The following CSMD3 variants were observed in gnomAD, a reference collection of about 807,000 sequenced individuals.
CSMD3 encodes CUB and sushi domain-containing protein 3.
CSMD3 carries 177 observed loss-of-function variants against 435.2 expected under a neutral mutation model. The ratio of observed to expected loss-of-function variants is 0.41; its 90% CI spans 0.36 to 0.46. The LOEUF (loss-of-function observed/expected upper bound fraction) is 0.46, where lower values mean the gene tolerates loss of function less well. CSMD3 is among the 20% of genes least tolerant of loss of function. The pLI is 0.34. For synonymous variants in CSMD3, 1,656 were observed against 1,520.5 expected (o/e 1.09, Z -2.07); for missense variants, 4,265 against 4,504.6 (o/e 0.95, Z 1.52).
intron 3 of CSMD3, among the ~76,000 whole-genome samples, chr8:113,269,075 A>C (rs1298209635): frequency 2.6e-5 from 4 of 152,160 alleles, no homozygotes; most frequent in Non-Finnish European, 5.9e-5. Context: ...AATGTGTTTA[A>C]TACATATATC....
chr8:113,191,377 G>A (rs181854215), intron 3 of CSMD3, among the ~76,000 whole-genome samples: 2 of 151,578 alleles, frequency 1.3e-5, no homozygotes, highest in African/African-American at 4.8e-5. Context: ...CAGTTTTTCG[G>A]CCCACATCTT....
Position 112,894,859 on chromosome 8 carries a change from A to C in CSMD3, c.1633+26768T>G, listed in dbSNP as rs908368032. Among the ~76,000 whole-genome samples, 3 of 151,300 alleles carry C rather than the reference A, an allele frequency of 2.0e-5. No homozygotes were observed. The East Asian group carries it at 5.9e-4, about 30-fold the overall frequency. On this transcript the variant is annotated intron_variant, in intron 10 of 70. Coordinates refer to ENST00000297405, the MANE Select transcript of CSMD3 (RefSeq NM_198123.2). ...AGACATAAAGAGAATTGAAAAAAAA[A>C]CACACACACAAGATATCACATTGAT...
At chr8:112,694,948 C>A (rs2076220255) in intron 13 of CSMD3, among the ~76,000 whole-genome samples, 1 of 152,004 alleles carries the variant, frequency 6.6e-6, no homozygotes, top group South Asian at 2.1e-4. Context: ...TGAGGCTTGT[C>A]GGACAGTGTG....
At position 112,459,369 on chromosome 8, in the gene CSMD3, GGT is replaced by G. The variant is rs1314663014; in HGVS notation, c.5395+13220_5395+13221del. On this transcript the variant is annotated intron_variant, in intron 32 of 70. Coordinates refer to ENST00000297405, the MANE Select transcript of CSMD3 (RefSeq NM_198123.2). ...GTTGTGTGTGTGTGTGGGGGGGGGG[GGT>G]TTATTCAATTATGTTTACAAGGTAA... Among the ~76,000 whole-genome samples, 182 of 121,926 alleles carry G rather than the reference GGT, an allele frequency of 1.5e-3. 1 individual carries two copies. Among genetic ancestry groups the G allele is most frequent in the Admixed American group, 4.9e-3 (61 of 12,486 alleles). The allele number at this position is 121,926 out of a possible 152,430, so 80.0% of individuals were successfully genotyped here.
Position 112,920,234 on chromosome 8 carries a change from A to T in CSMD3, c.1633+1393T>A, listed in dbSNP as rs529697313. Among the ~76,000 whole-genome samples the T allele has an allele frequency of 8.2e-4, 125 of 152,050 alleles. 1 individual carries two copies. Among genetic ancestry groups the T allele is most frequent in the Non-Finnish European group, 9.4e-4 (64 of 67,916 alleles). On this transcript the variant is annotated intron_variant, in intron 10 of 70. Transcript: ENST00000297405. ...TAGGATAAAGGAGGGGGGAAAGATT[A>T]GTTTTCATGATTAACAGTTAAATTG... is the stretch of plus-strand genomic sequence containing the variant.
chr8:113,166,546 T>C (rs2092153100), intron 4 of CSMD3, among the ~76,000 whole-genome samples: 1 of 152,132 alleles, frequency 6.6e-6, no homozygotes, highest in Non-Finnish European at 1.5e-5. Context: ...GTAAAATATG[T>C]ATGTGTTTAA....
At chr8:112,355,247 C>A (rs995813230) in intron 38 of CSMD3, among the ~76,000 whole-genome samples, 3 of 152,100 alleles carry the variant, frequency 2.0e-5, no homozygotes, top group Non-Finnish European at 4.4e-5. Flanking sequence ...TTCAGGAATT[C>A]TAGAAGAATA....
intron 11 of CSMD3, among the ~76,000 whole-genome samples, chr8:112,854,919 G>C (rs1221141139): frequency 3.3e-5 from 5 of 152,108 alleles, no homozygotes; most frequent in Non-Finnish European, 4.4e-5. Flanking sequence ...TCTCAGTGGT[G>C]ATGGAAATGG....
intron 1 of CSMD3, among the ~76,000 whole-genome samples, chr8:113,326,098 G>C (rs1365663864): frequency 2.0e-5 from 3 of 152,088 alleles, no homozygotes; most frequent in African/African-American, 4.8e-5. Flanking sequence ...ATCTAACTTA[G>C]CTAGTTTTTC....
chr8:113,016,378 G>A (rs1268368659), intron 6 of CSMD3, among the ~76,000 whole-genome samples: 1 of 151,688 alleles, frequency 6.6e-6, no homozygotes, highest in Non-Finnish European at 1.5e-5. Flanking sequence ...TAACTTAAAG[G>A]TGGTTATATT....
chr8:113,300,728 T>TTGGTG (rs1361768984), intron 2 of CSMD3, among the ~76,000 whole-genome samples: 1 of 152,066 alleles, frequency 6.6e-6, no homozygotes, highest in Non-Finnish European at 1.5e-5. Context: ...AAAAACTACC[T>TTGGTG]ATAAGTACTA....
chr8:112,621,888 C>T lies in CSMD3; in HGVS notation c.3715+14929G>A, dbSNP rs969928223. On this transcript the variant is annotated intron_variant, in intron 22 of 70. Coordinates refer to ENST00000297405, the MANE Select transcript of CSMD3 (RefSeq NM_198123.2). ...TCAAATATGGACTCTCTTATGATCT[C>T]CAGACTGTGTATTCAACTGGAATAT... 2.6e-5 allele frequency among the ~76,000 whole-genome samples: 4 copies of T among 152,078 alleles called. No individual in the cohort carries two copies. The East Asian group carries it at 5.8e-4, about 22-fold the overall frequency.
At chr8:112,354,000 T>C (rs528347149) in intron 38 of CSMD3, among the ~76,000 whole-genome samples, 4 of 152,322 alleles carry the variant, frequency 2.6e-5, no homozygotes, top group African/African-American at 9.6e-5. Context: ...TAATTCACCA[T>C]GATCAAACAG....
intron 5 of CSMD3, among the ~76,000 whole-genome samples, chr8:113,088,357 T>C (rs1242181352): frequency 2.0e-5 from 3 of 150,662 alleles, no homozygotes; most frequent in Non-Finnish European, 4.4e-5. Context: ...ATCCCATTAC[T>C]GGGTATATAC....
intron 61 of CSMD3, among the ~76,000 whole-genome samples, chr8:112,259,924 T>G (rs1281407840): frequency 6.6e-6 from 1 of 152,170 alleles, no homozygotes; most frequent in East Asian, 1.9e-4. Context: ...GTTCCTCTTA[T>G]GCATATTCAA....
chr8:113,321,202 C>A (rs1394351472), intron 1 of CSMD3, among the ~76,000 whole-genome samples: 1 of 152,124 alleles, frequency 6.6e-6, no homozygotes, highest in Non-Finnish European at 1.5e-5. Context: ...CTTCCTTATT[C>A]AATAGTATTA....
chr8:112,640,704 T>C (rs1027435071), intron 20 of CSMD3, among the ~76,000 whole-genome samples: 1 of 151,882 alleles, frequency 6.6e-6, no homozygotes, highest in Non-Finnish European at 1.5e-5. Flanking sequence ...TCAGTATTGA[T>C]ACTAGACAGA....
At chr8:113,057,954 C>T (rs1422797624) in intron 5 of CSMD3, among the ~76,000 whole-genome samples, 1 of 151,630 alleles carries the variant, frequency 6.6e-6, no homozygotes, top group African/African-American at 2.4e-5. Context: ...AGAAATTATG[C>T]AAACATTTTG....
chr8:112,282,777 C>T (rs765962982), intron 58 of CSMD3, among the ~76,000 whole-genome samples: 72 of 152,006 alleles, frequency 4.7e-4, no homozygotes, highest in Non-Finnish European at 3.4e-4. Context: ...AGGCTTAAAG[C>T]TTGCTGGATA....
Sources: gnomAD v4.1 joint callset for allele counts (sites outside exome capture counted in the v4.1 genomes callset) on GRCh38, gnomAD v4.1.1 for gene constraint, MANE v1.5 for transcripts, NCBI Gene and HGNC (gene_info 2026-07-23, HGNC 2026-07-21) for gene names.